The following CNTN4 variants were observed in gnomAD, a reference collection of about 807,000 sequenced individuals.
CNTN4 encodes the protein contactin-4.
In CNTN4, 77 loss-of-function variants were observed where a neutral mutation model predicts 122.5. That is an observed-to-expected ratio of 0.63 (90% CI 0.52 to 0.76). CNTN4 has a LOEUF of 0.76. Ranked by LOEUF, CNTN4 falls within the 30% of genes least tolerant of loss-of-function variation. CNTN4 has a pLI of 0.00. For synonymous variants in CNTN4, 512 were observed against 447.0 expected, an observed-to-expected ratio of 1.15 and a Z score of -1.83; for missense variants, 1,256 against 1,259.1, an observed-to-expected ratio of 1.00 and a Z score of 0.04.
At chr3:2,590,271 T>C (rs1221592708) in intron 4 of CNTN4, among the ~76,000 whole-genome samples, 10 of 152,208 alleles carry the variant, frequency 6.6e-5, no homozygotes, top group African/African-American at 2.4e-5. Flanking sequence ...TGTTGTTTTG[T>C]TTTGAGACAG....
rs1409562217 is a variant in CNTN4, at chr3:2,841,086, A to G, written c.454+21505A>G. The stretch of plus-strand genomic sequence containing the variant: ...TCAAGGATCTTCAAAATCATACATG[A>G]CTGATACCAATCTCATCATTGGACT... On this transcript the variant is annotated intron_variant, in intron 7 of 24. Transcript: ENST00000418658. The surrounding 1 kb of genome is among the most constrained non-coding windows in gnomAD (Gnocchi z 4.8). Among the ~76,000 whole-genome samples, 3 of 152,180 alleles carry G rather than the reference A, an allele frequency of 2.0e-5. No homozygotes were observed. The highest frequency in any genetic ancestry group is 7.2e-5 in the African/African-American group (3 of 41,444).
chr3:2,938,799 A>G (rs74958189), intron 13 of CNTN4, among the ~76,000 whole-genome samples: 4,285 of 152,296 alleles, frequency 0.028, 213 homozygotes, highest in African/African-American at 0.097. Flanking sequence ...GAAGAGGTAA[A>G]TTAAGTCCTT....
intron 4 of CNTN4, among the ~76,000 whole-genome samples, chr3:2,626,352 C>G (rs1287711976): frequency 1.3e-5 from 2 of 151,926 alleles, no homozygotes; most frequent in African/African-American, 4.8e-5. Flanking sequence ...AAAAAATTAG[C>G]CAGGCGTGGT....
intron 3 of CNTN4, among the ~76,000 whole-genome samples, chr3:2,373,825 A>T (rs554166987): frequency 2.0e-5 from 3 of 152,342 alleles, no homozygotes; most frequent in East Asian, 1.9e-4. Flanking sequence ...GGTCAACCTA[A>T]TTAAAGCAAT....
In CNTN4 at chr3:2,948,923, T is replaced by C. The variant is rs2094707435; in HGVS notation, c.1358+23144T>C. On this transcript the variant is annotated intron_variant, in intron 13 of 24. Coordinates refer to ENST00000418658, the MANE Select transcript of CNTN4 (RefSeq NM_175607.3). Reference sequence around the variant, plus strand: ...TAAAATAAACTAAGGCTCAGTGATATTGTTTTGCTCAAAAATAGACAACTA... The same window carrying C: ...TAAAATAAACTAAGGCTCAGTGATACTGTTTTGCTCAAAAATAGACAACTA... Among the ~76,000 whole-genome samples the C allele has an allele frequency of 2.0e-5, 3 of 152,244 alleles. No individual in the cohort carries two copies. In the South Asian group the frequency reaches 6.2e-4, roughly 32 times the overall value.
intron 4 of CNTN4, among the ~76,000 whole-genome samples, chr3:2,658,397 G>A (rs1029736550): frequency 1.3e-5 from 2 of 152,174 alleles, no homozygotes; most frequent in Non-Finnish European, 2.9e-5. Flanking sequence ...ATCATTAGCT[G>A]AGCTAAGGAA....
intron 2 of CNTN4, among the ~76,000 whole-genome samples, chr3:2,232,166 A>T (rs116604815): frequency 1.3e-5 from 2 of 152,266 alleles, no homozygotes; most frequent in Admixed American, 6.5e-5. Context: ...ATAATAATAA[A>T]AACAATGACC....
chr3:2,768,494 T>C (rs925748513), intron 6 of CNTN4, among the ~76,000 whole-genome samples: 5 of 152,240 alleles, frequency 3.3e-5, no homozygotes, highest in African/African-American at 1.2e-4. Flanking sequence ...AGCACAGTCT[T>C]GTTCAGCTTG....
At chr3:2,158,223 A>G (rs2035804044) in intron 2 of CNTN4, among the ~76,000 whole-genome samples, 1 of 152,226 alleles carries the variant, frequency 6.6e-6, no homozygotes, top group Non-Finnish European at 1.5e-5. Flanking sequence ...CAAATGACTT[A>G]CAAAGGGCGA....
chr3:2,125,105 A>G (rs1481050494), intron 2 of CNTN4, among the ~76,000 whole-genome samples: 4 of 152,136 alleles, frequency 2.6e-5, no homozygotes, highest in Non-Finnish European at 4.4e-5. Context: ...ACCCTTGAAC[A>G]ATAACTCTCC....
chr3:3,034,528 T>G, intron 16 of CNTN4, 104 bp from the exon 17 acceptor site: 1 of 1,193,856 alleles, frequency 8.4e-7, no homozygotes, highest in Non-Finnish European at 1.2e-6. Flanking sequence ...AATCTGTGAA[T>G]GGGTAGATAA....
intron 2 of CNTN4, among the ~76,000 whole-genome samples, chr3:2,133,005 T>C (rs2034523904): frequency 6.6e-6 from 1 of 151,698 alleles, no homozygotes; most frequent in Non-Finnish European, 1.5e-5. Context: ...AACAAGACAA[T>C]GAAACAAAGA....
chr3:2,304,753 A>G (rs2042643246), intron 2 of CNTN4, among the ~76,000 whole-genome samples: 3 of 150,900 alleles, frequency 2.0e-5, no homozygotes, highest in Admixed American at 2.0e-4. Flanking sequence ...AGCCACATAC[A>G]TTACAATGGA....
At chr3:2,498,025 A>G (rs972115133) in intron 3 of CNTN4, among the ~76,000 whole-genome samples, 3 of 152,216 alleles carry the variant, frequency 2.0e-5, no homozygotes, top group Non-Finnish European at 4.4e-5. Context: ...CAAATGCCTT[A>G]TAGAAATATA....
intron 2 of CNTN4, among the ~76,000 whole-genome samples, chr3:2,316,660 C>G (rs555393074): frequency 6.6e-6 from 1 of 152,080 alleles, no homozygotes; most frequent in Non-Finnish European, 1.5e-5. Context: ...AACACTTAGT[C>G]TTTTGTCTTC....
At chr3:3,025,045 A>T (rs1574855250) in intron 14 of CNTN4, among the ~76,000 whole-genome samples, 1 of 152,290 alleles carries the variant, frequency 6.6e-6, no homozygotes, top group Non-Finnish European at 1.5e-5. Flanking sequence ...TCAGAATTTT[A>T]TTCTTTAGGC....
intron 3 of CNTN4, among the ~76,000 whole-genome samples, chr3:2,500,499 T>C (rs1012993780): frequency 1.3e-5 from 2 of 152,152 alleles, no homozygotes; most frequent in African/African-American, 4.8e-5. Context: ...CCCTCCTTTC[T>C]AATGAGAATT....
intron 21 of CNTN4, 139 bp from the exon 22 acceptor site, chr3:3,042,838 C>T (rs1004467265): frequency 1.4e-6 from 1 of 737,642 alleles, no homozygotes; most frequent in Admixed American, 2.2e-5. Context: ...ATACAGAGTC[C>T]TTTGTCCTGA....
chr3:2,193,643 A>C (rs1297910764), intron 2 of CNTN4, among the ~76,000 whole-genome samples: 1 of 152,228 alleles, frequency 6.6e-6, no homozygotes, highest in Non-Finnish European at 1.5e-5. Flanking sequence ...AAATATAATC[A>C]TGCACCACAT....
Sources: gnomAD v4.1 joint callset for allele counts (sites outside exome capture counted in the v4.1 genomes callset) on GRCh38, gnomAD v4.1.1 for gene constraint, Gnocchi (gnomAD v3.1) non-coding constraint, MANE v1.5 for transcripts, NCBI Gene and HGNC (gene_info 2026-07-23, HGNC 2026-07-21) for gene names.